The following OR51B5 variants were observed in gnomAD, a reference collection of about 807,000 sequenced individuals.
The protein encoded by OR51B5 is olfactory receptor family 51 subfamily B member 5.
For synonymous variants in OR51B5, 186 were observed against 144.8 expected (o/e 1.28, Z -2.04); for missense variants, 456 against 374.6 (o/e 1.22, Z -1.79).
At chr11:5,412,255 A>T (rs909483491) in intron 1 of OR51B5, among the ~76,000 whole-genome samples, 1 of 152,196 alleles carries the variant, frequency 6.6e-6, no homozygotes, top group Non-Finnish European at 1.5e-5. Context: ...TGGTCTTTTC[A>T]GGGCTCCAGG....
intron 1 of OR51B5, among the ~76,000 whole-genome samples, chr11:5,403,961 T>C (rs890395349): frequency 2.8e-4 from 43 of 152,000 alleles, no homozygotes; most frequent in African/African-American, 1.0e-3. Context: ...CTGAATTCAA[T>C]AGGAGAGAAA....
chr11:5,440,476 C>T (rs1253653210), intron 1 of OR51B5: 19 of 782,098 alleles, frequency 2.4e-5, no homozygotes, highest in Non-Finnish European at 3.8e-5. Context: ...CTATCAAGAT[C>T]CTGGGTCCTC....
rs964247586 is a variant in OR51B5, at chr11:5,497,058, A to G, written n.84+8511T>C. Among the ~76,000 whole-genome samples the G allele has an allele frequency of 3.2e-3, 108 of 34,012 alleles. 1 individual carries two copies. The highest frequency in any genetic ancestry group is 0.015 in the Middle Eastern group (1 of 66). The allele number at this position is 34,012 out of a possible 152,430, so 22.3% of individuals were successfully genotyped here. ...ATCAATGTTTAAAAAAAAAAAAAAAAAAAAAAAGAGAGAGGAAAGGAAAGA... is the reference window on the plus strand; with the variant it reads ...ATCAATGTTTAAAAAAAAAAAAAAAGAAAAAAAGAGAGAGGAAAGGAAAGA... On this transcript the variant is annotated intron_variant and non_coding_transcript_variant, in intron 1 of 4. Coordinates refer to the OR51B5 transcript ENST00000415970.
At chr11:5,376,129 A>T (rs904867201) in intron 1 of OR51B5, among the ~76,000 whole-genome samples, 1 of 152,154 alleles carries the variant, frequency 6.6e-6, no homozygotes, top group Non-Finnish European at 1.5e-5. Flanking sequence ...ACCACAGTGC[A>T]ATCAAACTAG....
intron 1 of OR51B5, among the ~76,000 whole-genome samples, chr11:5,416,061 C>CAA (rs1850239244): frequency 1.3e-5 from 2 of 148,298 alleles, no homozygotes; most frequent in African/African-American, 2.5e-5. Context: ...AGCAGCACAT[C>CAA]AAAAAGCTTA....
chr11:5,358,126 A>G (rs1438750248), intron 1 of OR51B5, among the ~76,000 whole-genome samples: 1 of 151,968 alleles, frequency 6.6e-6, no homozygotes, highest in Admixed American at 6.6e-5. Flanking sequence ...GCAGAAGGCA[A>G]GAAATAACTA....
At chr11:5,402,678 C>T (rs1292111572) in intron 1 of OR51B5, 1 of 471,294 alleles carries the variant, frequency 2.1e-6, no homozygotes, top group South Asian at 1.5e-5. Context: ...GTCAGAGCAC[C>T]TCTGGATATC....
At chr11:5,414,816 T>A (rs553678011) in intron 1 of OR51B5, among the ~76,000 whole-genome samples, 10 of 152,124 alleles carry the variant, frequency 6.6e-5, no homozygotes, top group Non-Finnish European at 8.8e-5. Flanking sequence ...ACTCCCACAC[T>A]TTAATAATGG....
At chr11:5,369,866 C>G (rs1322132366) in intron 1 of OR51B5, among the ~76,000 whole-genome samples, 1 of 152,084 alleles carries the variant, frequency 6.6e-6, no homozygotes, top group African/African-American at 2.4e-5. Context: ...CAAAATAAGT[C>G]AACAGTTGTT....
In OR51B5 at chr11:5,418,984, T is replaced by C. The variant is rs1850287874; in HGVS notation, n.85-72074A>G. ...GGTAATAGGGCAGTTTCTGATTATTTCTTGAGGCATGTGCTCATTTTTTGA... is the reference window on the plus strand; with the variant it reads ...GGTAATAGGGCAGTTTCTGATTATTCCTTGAGGCATGTGCTCATTTTTTGA... On this transcript the variant is annotated intron_variant and non_coding_transcript_variant, in intron 1 of 4. Coordinates refer to the OR51B5 transcript ENST00000415970. Among the ~76,000 whole-genome samples the C allele has an allele frequency of 3.3e-5, 5 of 152,148 alleles. No individual in the cohort carries two copies. The South Asian group carries it at 1.0e-3, about 32-fold the overall frequency.
intron 1 of OR51B5, among the ~76,000 whole-genome samples, chr11:5,363,237 TCACACACACACACACACACA>T (rs3219794): frequency 0.05 from 7,104 of 142,976 alleles, 237 homozygotes; most frequent in South Asian, 0.091. Flanking sequence ...ACCCAACCCC[TCACACACACACACACACACA>T]CACACACACA....
intron 1 of OR51B5, chr11:5,430,683 G>C: frequency 2.2e-6 from 1 of 455,524 alleles, no homozygotes; most frequent in Non-Finnish European, 4.4e-6. Context: ...AGGAAAACAA[G>C]GTGAGAATTC....
intron 1 of OR51B5, among the ~76,000 whole-genome samples, chr11:5,474,396 GACA>G (rs1455722416): frequency 6.6e-6 from 1 of 152,088 alleles, no homozygotes; most frequent in Non-Finnish European, 1.5e-5. Context: ...AGACTTGAAG[GACA>G]ACAATAATCA....
intron 1 of OR51B5, among the ~76,000 whole-genome samples, chr11:5,419,233 A>C (rs1332113793): frequency 2.0e-5 from 3 of 152,236 alleles, no homozygotes; most frequent in Non-Finnish European, 2.9e-5. Flanking sequence ...CTTTACTCAT[A>C]GTGCCCAATT....
chr11:5,364,036 T>C (rs1173220085), intron 1 of OR51B5, among the ~76,000 whole-genome samples: 2 of 152,174 alleles, frequency 1.3e-5, no homozygotes, highest in Non-Finnish European at 2.9e-5. Flanking sequence ...CCACATATTA[T>C]GTGATGTGGA....
intron 1 of OR51B5, among the ~76,000 whole-genome samples, chr11:5,500,094 A>G (rs1037886504): frequency 6.6e-6 from 1 of 152,228 alleles, no homozygotes; most frequent in Admixed American, 6.5e-5. Context: ...CAAAGGACAC[A>G]GTGACCAAAT....
intron 1 of OR51B5, among the ~76,000 whole-genome samples, chr11:5,425,404 AAACTT>A (rs1381321723): frequency 6.6e-6 from 1 of 152,208 alleles, no homozygotes; most frequent in African/African-American, 2.4e-5. Context: ...TAACAAGTCA[AAACTT>A]AACTAGAAAT....
At chr11:5,347,937 A>G (rs1454317897), upstream of OR51B5, among the ~76,000 whole-genome samples, 13 of 152,200 alleles carry the variant, frequency 8.5e-5, no homozygotes, top group Admixed American at 8.5e-4. Flanking sequence ...TCATACGGCT[A>G]AAGATGTGAG....
intron 1 of OR51B5, among the ~76,000 whole-genome samples, chr11:5,420,238 A>G (rs1374419041): frequency 1.3e-5 from 2 of 152,068 alleles, no homozygotes; most frequent in East Asian, 3.9e-4. Context: ...AGAAATTAAC[A>G]TACAAATTAC....
Sources: gnomAD v4.1 joint callset for allele counts (sites outside exome capture counted in the v4.1 genomes callset) on GRCh38, gnomAD v4.1.1 for gene constraint, MANE v1.5 for transcripts, NCBI Gene and HGNC (gene_info 2026-07-23, HGNC 2026-07-21) for gene names.